Variants in HSD17B2 observed in about 807,000 individuals in gnomAD.
HSD17B2 encodes the protein hydroxysteroid 17-beta dehydrogenase 2.
A neutral mutation model predicts 26.9 loss-of-function variants in HSD17B2; 32 were observed. That is an observed-to-expected ratio of 1.19 (90% confidence interval 0.90 to 1.60). The LOEUF is 1.60. Ranked by LOEUF, HSD17B2 falls within the 40% of genes most tolerant of loss-of-function variation. The pLI is 0.00. For synonymous variants in HSD17B2, 246 were observed against 186.7 expected (o/e 1.32, Z -2.59); for missense variants, 613 against 468.6 (o/e 1.31, Z -2.85).
intron 1 of HSD17B2, among the ~76,000 whole-genome samples, chr16:82,047,187 G>C (rs1202854800): frequency 6.6e-6 from 1 of 152,202 alleles, no homozygotes; most frequent in Non-Finnish European, 1.5e-5. Flanking sequence ...GCAATCATAA[G>C]TGCTCTGTGC....
intron 3 of HSD17B2, among the ~76,000 whole-genome samples, chr16:82,086,988 T>C (rs948554951): frequency 6.6e-6 from 1 of 152,172 alleles, no homozygotes; most frequent in African/African-American, 2.4e-5. Context: ...GGACACTAAT[T>C]CTGTTGGATC....
In HSD17B2 at chr16:82,068,328, C is replaced by T. The variant is rs1914621093; in HGVS notation, c.424C>T (p.Pro142Ser). The T allele has an allele frequency of 4.3e-6, 7 of 1,613,838 alleles. No homozygotes were observed. Among genetic ancestry groups the T allele is most frequent in the Admixed American group, 1.7e-5 (1 of 59,992 alleles). ...GGTGCTCCAAATGGACATCACGAAG[C>T]CAGTGCAGATAAAAGATGCTTACAG... The part of the protein sequence containing the change: ...LSVLQMDITK[P>S]VQIKDAYSKV... The change falls in exon 2 of 5, where the codon CCA (proline) becomes TCA (serine). Residue 142 changes from proline to serine, a missense_variant. By Grantham distance (74) the Pro-to-Ser change is moderately conservative. Transcript: ENST00000199936.
intron 1 of HSD17B2, among the ~76,000 whole-genome samples, chr16:82,055,022 G>A (rs1339988351): frequency 1.3e-5 from 2 of 152,192 alleles, no homozygotes; most frequent in Non-Finnish European, 2.9e-5. Flanking sequence ...ATGTTTAGCA[G>A]CTCTCTGGCC....
At chr16:82,059,526 T>A (rs1468618402) in intron 1 of HSD17B2, among the ~76,000 whole-genome samples, 2 of 152,060 alleles carry the variant, frequency 1.3e-5, no homozygotes, top group South Asian at 2.1e-4. Flanking sequence ...GGGCATTGAC[T>A]TTTTTTTAGA....
chr16:82,042,481 C>T (rs2143915934), intron 1 of HSD17B2, among the ~76,000 whole-genome samples: 2 of 152,264 alleles, frequency 1.3e-5, no homozygotes, highest in East Asian at 3.9e-4. Flanking sequence ...GCAGCTGCTT[C>T]CTATTTCCAG....
At chr16:82,047,653 G>A (rs1260224152) in intron 1 of HSD17B2, among the ~76,000 whole-genome samples, 2 of 152,206 alleles carry the variant, frequency 1.3e-5, no homozygotes, top group Non-Finnish European at 2.9e-5. Context: ...GCCAACTGGA[G>A]GGACTTTATG....
intron 1 of HSD17B2, among the ~76,000 whole-genome samples, chr16:82,050,408 C>T (rs1049630854): frequency 2.0e-5 from 3 of 152,082 alleles, no homozygotes; most frequent in Non-Finnish European, 4.4e-5. Flanking sequence ...ATGTCCACGG[C>T]TCGTCACCTC....
At chr16:82,057,068 G>T (rs1450751678) in intron 1 of HSD17B2, among the ~76,000 whole-genome samples, 17 of 152,174 alleles carry the variant, frequency 1.1e-4, no homozygotes, top group Admixed American at 1.1e-3. Context: ...AGTCCAAACT[G>T]ATATAAATAA....
chr16:82,068,309 C>A lies in HSD17B2; in HGVS notation c.405C>A (p.Leu135=). The stretch of plus-strand genomic sequence containing the variant: ...CCTGCTCTCCGCGCCTCTCGGTGCT[C>A]CAAATGGACATCACGAAGCCAGTGC... ...RRTCSPRLSV[L]QMDITKPVQI... The change falls in exon 2 of 5, where the codon CTC becomes CTA. Residue 135 remains leucine, a synonymous_variant. Transcript: ENST00000199936. 6.2e-7 allele frequency: 1 copy of A among 1,614,090 alleles called. No homozygotes were observed. The highest frequency in any genetic ancestry group is 8.5e-7 in the Non-Finnish European group (1 of 1,180,016).
chr16:82,048,152 A>C (rs1241993427), intron 1 of HSD17B2, among the ~76,000 whole-genome samples: 3 of 152,216 alleles, frequency 2.0e-5, no homozygotes, highest in Non-Finnish European at 4.4e-5. Context: ...TAGGTAGGAC[A>C]AATGAAGCTC....
intron 3 of HSD17B2, among the ~76,000 whole-genome samples, chr16:82,090,388 G>A (rs917365619): frequency 1.6e-5 from 2 of 122,794 alleles, no homozygotes; most frequent in African/African-American, 6.2e-5. Context: ...CGTGATCCCA[G>A]CTCACTACAA....
At chr16:82,087,485 A>C (rs1483317429) in intron 3 of HSD17B2, among the ~76,000 whole-genome samples, 1 of 152,220 alleles carries the variant, frequency 6.6e-6, no homozygotes. Context: ...AGGTTGAACC[A>C]TACAATACTG....
rs574446707 is a variant in HSD17B2 at position 82,073,224 on chromosome 16, ATTAT to A, written c.664+2099_664+2102del. Among the ~76,000 whole-genome samples the A allele has an allele frequency of 1.8e-3, 272 of 151,768 alleles. 4 individuals are homozygous for A. Among genetic ancestry groups the A allele is most frequent in the African/African-American group, 6.4e-3 (263 of 41,386 alleles). ...CATATCTCACTCTTTTATTATTATT[ATTAT>A]TAATTTTTTTTTTTGAGATGGAGTC... is the stretch of plus-strand genomic sequence containing the variant. On this transcript the variant is annotated intron_variant, in intron 3 of 4. Transcript: ENST00000199936.
At chr16:82,068,034 T>A in intron 1 of HSD17B2, 136 bp from the exon 2 acceptor site, 2 of 738,928 alleles carry the variant, frequency 2.7e-6, no homozygotes, top group Non-Finnish European at 4.4e-6. Context: ...ACTTAGAACA[T>A]AAAGAAACTT....
At chr16:82,091,812 G>C (rs912841639) in intron 4 of HSD17B2, 2 of 152,246 alleles carry the variant, frequency 1.3e-5, no homozygotes, top group Non-Finnish European at 2.9e-5. Context: ...TAAGTGCCAT[G>C]CTCTCCATGT....
intron 3 of HSD17B2, among the ~76,000 whole-genome samples, chr16:82,075,282 T>C (rs1291270712): frequency 2.6e-5 from 4 of 152,072 alleles, no homozygotes; most frequent in East Asian, 1.9e-4. Context: ...TAGTGATGCA[T>C]CTCAAAAAAC....
intron 3 of HSD17B2, among the ~76,000 whole-genome samples, chr16:82,076,108 C>T (rs987271939): frequency 6.6e-6 from 1 of 151,948 alleles, no homozygotes; most frequent in African/African-American, 2.4e-5. Context: ...TACATAATCT[C>T]AACAGAATGA....
At chr16:82,056,772 T>A (rs1914282591) in intron 1 of HSD17B2, among the ~76,000 whole-genome samples, 1 of 152,320 alleles carries the variant, frequency 6.6e-6, no homozygotes, top group South Asian at 2.1e-4. Flanking sequence ...AGAGAATGTG[T>A]TAGACAGGAA....
intron 4 of HSD17B2, chr16:82,096,466 C>G (rs1904841938): frequency 6.6e-6 from 1 of 152,000 alleles, no homozygotes; most frequent in Admixed American, 6.6e-5. Context: ...TCAGGTGATC[C>G]ACCTACCTGG....
Sources: allele counts gnomAD v4.1 joint callset (sites outside exome capture counted in the v4.1 genomes callset), GRCh38; gene constraint gnomAD v4.1.1; transcripts MANE v1.5; gene names NCBI Gene and HGNC (gene_info 2026-07-23, HGNC 2026-07-21).